Variants in ASH1L observed in about 807,000 individuals in gnomAD.
ASH1L encodes the protein ASH1 like histone lysine methyltransferase.
A neutral mutation model predicts 269.0 loss-of-function variants in ASH1L; 23 were observed. The ratio of observed to expected loss-of-function variants is 0.09; its 90% CI spans 0.06 to 0.12. The LOEUF (loss-of-function observed/expected upper bound fraction) is 0.12, where lower values mean the gene tolerates loss of function less well. Among genes scored for constraint, ASH1L ranks in the 10% least tolerant of loss-of-function variants. The probability of loss-of-function intolerance (pLI) is 1.00; values close to 1 mark genes in which losing one functional copy is unlikely to be tolerated. For synonymous variants in ASH1L, 1,187 were observed against 1,253.5 expected, an observed-to-expected ratio of 0.95 and a Z score of 1.12; for missense variants, 2,912 against 3,567.8, an observed-to-expected ratio of 0.82 and a Z score of 4.68.
chr1:155,429,408 G>C (rs531715078), intron 5 of ASH1L, among the ~76,000 whole-genome samples: 1 of 152,140 alleles, frequency 6.6e-6, no homozygotes, highest in Non-Finnish European at 1.5e-5. Context: ...GAGTAGCTAG[G>C]ACTACAGGCG....
chr1:155,547,343 T>C (rs957722393), intron 1 of ASH1L, among the ~76,000 whole-genome samples: 2 of 151,312 alleles, frequency 1.3e-5, no homozygotes, highest in African/African-American at 4.9e-5. Context: ...ACTGCAGCAC[T>C]ATTTACAATA....
At chr1:155,403,506 CAAT>C (rs1659023865) in intron 6 of ASH1L, among the ~76,000 whole-genome samples, 1 of 152,120 alleles carries the variant, frequency 6.6e-6, no homozygotes, top group South Asian at 2.1e-4. Context: ...TTAGCTTCTT[CAAT>C]AATATTAATA....
intron 2 of ASH1L, among the ~76,000 whole-genome samples, chr1:155,515,452 C>T (rs1668439970): frequency 6.6e-6 from 1 of 152,120 alleles, no homozygotes; most frequent in African/African-American, 2.4e-5. Flanking sequence ...AAACTGATTT[C>T]TTTTTGGCAC....
chr1:155,427,393 C>A (rs977348145), intron 5 of ASH1L, among the ~76,000 whole-genome samples: 1 of 151,920 alleles, frequency 6.6e-6, no homozygotes, highest in Non-Finnish European at 1.5e-5. Flanking sequence ...CTGCAACCTC[C>A]GCCTCCCGGG....
intron 12 of ASH1L, among the ~76,000 whole-genome samples, chr1:155,365,894 G>A (rs1655378522): frequency 6.6e-6 from 1 of 152,052 alleles, no homozygotes. Flanking sequence ...TATCATCACC[G>A]CTATTCAACC....
intron 6 of ASH1L, among the ~76,000 whole-genome samples, chr1:155,400,308 G>A (rs1658719995): frequency 6.6e-6 from 1 of 151,756 alleles, no homozygotes; most frequent in Admixed American, 6.6e-5. Flanking sequence ...ATCCAGCCTG[G>A]GTGATAGAGC....
At chr1:155,354,874 A>G (rs1438342834) in intron 15 of ASH1L, among the ~76,000 whole-genome samples, 1 of 152,238 alleles carries the variant, frequency 6.6e-6, no homozygotes, top group Non-Finnish European at 1.5e-5. Context: ...CAAGTGAAAC[A>G]GCCTGACCAG....
chr1:155,464,626 G>A (rs1288449863), intron 3 of ASH1L, among the ~76,000 whole-genome samples: 1 of 152,136 alleles, frequency 6.6e-6, no homozygotes, highest in Middle Eastern at 3.4e-3. Context: ...TGTAAACAAG[G>A]CAGACTACTA....
In ASH1L at chr1:155,335,485, G is replaced by GT. The variant is rs1652233249; in HGVS notation, c.*2174dup. On this transcript the variant is annotated 3_prime_UTR_variant, in exon 28 of 28. Transcript: ENST00000392403. ...GCCTACAGACATGCAGACTAACTCT[G>GT]TATCTATTTGCAGTGATGTAGTGCT... 6.5e-6 allele frequency: 1 copy of GT among 152,710 alleles called. No homozygotes were observed. The highest frequency in any genetic ancestry group is 2.1e-4 in the South Asian group (1 of 4,826). 9.5% of individuals were successfully genotyped at this position (152,710 alleles called of 1,614,324 possible).
At chr1:155,562,070 T>G (rs1038796723) in intron 1 of ASH1L, 83 bp downstream of exon 1, 1 of 936,042 alleles carries the variant, frequency 1.1e-6, no homozygotes, top group African/African-American at 1.7e-5. Flanking sequence ...GTCCGGGAGA[T>G]GACAGTGGCT....
chr1:155,404,695 T>A (rs1292175508), intron 6 of ASH1L, among the ~76,000 whole-genome samples: 1 of 152,114 alleles, frequency 6.6e-6, no homozygotes, highest in Non-Finnish European at 1.5e-5. Flanking sequence ...TCAATTGTAT[T>A]TCTATACATA....
intron 2 of ASH1L, among the ~76,000 whole-genome samples, chr1:155,512,981 CAGG>C (rs1434844147): frequency 6.6e-6 from 1 of 151,870 alleles, no homozygotes; most frequent in Non-Finnish European, 1.5e-5. Flanking sequence ...TGCTTGAGCC[CAGG>C]AGGTCAAGGT....
chr1:155,423,873 G>A (rs1277160591), intron 5 of ASH1L, among the ~76,000 whole-genome samples: 1 of 152,030 alleles, frequency 6.6e-6, no homozygotes, highest in Admixed American at 6.6e-5. Context: ...AGGATTACAG[G>A]CGCCCGCCAC....
intron 10 of ASH1L, among the ~76,000 whole-genome samples, chr1:155,377,372 C>T (rs1037191748): frequency 6.6e-6 from 1 of 152,142 alleles, no homozygotes; most frequent in Non-Finnish European, 1.5e-5. Context: ...TGCCACTGTC[C>T]TATTCTGCTT....
intron 3 of ASH1L, among the ~76,000 whole-genome samples, chr1:155,470,358 C>T (rs905920387): frequency 2.6e-5 from 4 of 151,930 alleles, no homozygotes; most frequent in Non-Finnish European, 4.4e-5. Flanking sequence ...ACTCAGGAGG[C>T]TGAGGCAGGA....
At chr1:155,361,121 C>T (rs1179538312) in intron 12 of ASH1L, among the ~76,000 whole-genome samples, 1 of 152,092 alleles carries the variant, frequency 6.6e-6, no homozygotes, top group Non-Finnish European at 1.5e-5. Flanking sequence ...CAGTGGCTCA[C>T]ACCTGTAATC....
At chr1:155,380,006 C>T (rs1656799682) in intron 8 of ASH1L, 37 bp downstream of exon 8, 2 of 1,480,632 alleles carry the variant, frequency 1.4e-6, no homozygotes, top group East Asian at 4.5e-5. Flanking sequence ...CCCTTTACCA[C>T]TTAAGAATGA....
chr1:155,512,992 G>A (rs1467236767), intron 2 of ASH1L, among the ~76,000 whole-genome samples: 3 of 151,980 alleles, frequency 2.0e-5, no homozygotes, highest in African/African-American at 7.2e-5. Context: ...AGGAGGTCAA[G>A]GTCAAGGCTA....
At chr1:155,397,839 G>A (rs538952878) in intron 6 of ASH1L, among the ~76,000 whole-genome samples, 25 of 152,270 alleles carry the variant, frequency 1.6e-4, no homozygotes, top group African/African-American at 5.3e-4. Flanking sequence ...GGGATTACAG[G>A]CGTGAGCCAC....
Sources: allele counts gnomAD v4.1 joint callset (sites outside exome capture counted in the v4.1 genomes callset), GRCh38; gene constraint gnomAD v4.1.1; transcripts MANE v1.5; gene names NCBI Gene and HGNC (gene_info 2026-07-23, HGNC 2026-07-21).